The following TNR variants were observed in gnomAD, a reference collection of about 807,000 sequenced individuals.
TNR encodes the protein tenascin-R.
Under a neutral mutation model 150.4 loss-of-function variants are expected in TNR, and 45 were observed. The observed-to-expected ratio is 0.30, with a 90% CI of 0.24 to 0.38. The LOEUF is 0.38. TNR is among the 10% of genes least tolerant of loss of function. TNR has a pLI of 1.00. For synonymous variants in TNR, 687 were observed against 678.4 expected, an observed-to-expected ratio of 1.01 and a Z score of -0.20; for missense variants, 1,544 against 1,759.1, an observed-to-expected ratio of 0.88 and a Z score of 2.19.
intron 20 of TNR, among the ~76,000 whole-genome samples, chr1:175,331,049 C>CTT (rs373781031): frequency 9.4e-4 from 97 of 103,232 alleles, no homozygotes; most frequent in Non-Finnish European, 1.7e-3. Flanking sequence ...TTCTTTCTTT[C>CTT]TTTCTTTCTT....
intron 1 of TNR, among the ~76,000 whole-genome samples, chr1:175,626,903 G>A (rs1381271728): frequency 3.3e-5 from 5 of 152,146 alleles, no homozygotes; most frequent in African/African-American, 7.2e-5. Flanking sequence ...AAAACACAGA[G>A]GTGAAGGCCA....
chr1:175,422,987 C>A (rs761041560), intron 2 of TNR, among the ~76,000 whole-genome samples: 1 of 152,184 alleles, frequency 6.6e-6, no homozygotes, highest in African/African-American at 2.4e-5. Flanking sequence ...AACAGGTCAC[C>A]TGCTTTGGAG....
chr1:175,722,809 C>T (rs558679199), intron 1 of TNR, among the ~76,000 whole-genome samples: 5 of 145,440 alleles, frequency 3.4e-5, no homozygotes, highest in Admixed American at 2.1e-4. Flanking sequence ...CCCCTGCCCC[C>T]GAGACAGAGT....
intron 1 of TNR, among the ~76,000 whole-genome samples, chr1:175,631,905 TA>T (rs1240779397): frequency 1.3e-5 from 2 of 152,242 alleles, no homozygotes; most frequent in African/African-American, 4.8e-5. Flanking sequence ...GCTTTTTGAC[TA>T]AAAATGGAAT....
At chr1:175,484,532 C>T (rs1281023821) in intron 2 of TNR, among the ~76,000 whole-genome samples, 2 of 149,790 alleles carry the variant, frequency 1.3e-5, no homozygotes, top group African/African-American at 2.4e-5. Flanking sequence ...CCTAGTCTTT[C>T]TCTCTCTCTC....
rs1299434044 is a variant in TNR, at chr1:175,743,512, C to T, written c.-451G>A. ...AATTCCTTGGGTCAGAGAGGACCCC[C>T]TTCTCTCACTCTCCCTGGGTCTGCC... On this transcript the variant is annotated 5_prime_UTR_variant, in exon 1 of 23. Transcript: ENST00000367674. 6.6e-6 allele frequency: 1 copy of T among 152,262 alleles called. No homozygotes were observed. The highest frequency in any genetic ancestry group is 2.4e-5 in the African/African-American group (1 of 41,422). The allele number at this position is 152,262 out of a possible 1,614,324, so 9.4% of individuals were successfully genotyped here. A position where few individuals can be genotyped will look rare whatever the true frequency, so the allele number is the denominator to read the frequency against.
At chr1:175,378,788 G>C (rs915133888) in intron 9 of TNR, among the ~76,000 whole-genome samples, 4 of 152,216 alleles carry the variant, frequency 2.6e-5, no homozygotes, top group Non-Finnish European at 5.9e-5. Flanking sequence ...GGCAGGGCCT[G>C]GTGTCCACAC....
At chr1:175,660,910 G>A (rs544348046) in intron 1 of TNR, among the ~76,000 whole-genome samples, 1 of 152,308 alleles carries the variant, frequency 6.6e-6, no homozygotes, top group African/African-American at 2.4e-5. Context: ...GGCTCCAGCT[G>A]TACAGGGCCC....
intron 2 of TNR, among the ~76,000 whole-genome samples, chr1:175,433,203 A>G (rs1655350743): frequency 6.6e-6 from 1 of 152,336 alleles, no homozygotes; most frequent in East Asian, 1.9e-4. Context: ...TGGACTTCCT[A>G]TACATGACAG....
intron 2 of TNR, among the ~76,000 whole-genome samples, chr1:175,482,965 A>AGTGTGTC (rs1434444526): frequency 1.3e-5 from 2 of 152,184 alleles, no homozygotes; most frequent in Admixed American, 6.5e-5. Context: ...TGCAGATCAA[A>AGTGTGTC]GTGTGTCTTG....
rs867156560 is a variant in TNR, at chr1:175,427,292, A to G, written c.-63-20515T>C. 5.0e-4 allele frequency among the ~76,000 whole-genome samples: 76 copies of G among 152,178 alleles called. 1 individual carries two copies. The highest frequency in any genetic ancestry group is 3.4e-3 in the Middle Eastern group (1 of 294). ...CCATGTATGTAATTTTAAATTCTCT[A>G]GTAGCCACACTAAAGAGGTAAAAAT... is the stretch of plus-strand genomic sequence containing the variant. On this transcript the variant is annotated intron_variant, in intron 2 of 22. Coordinates refer to ENST00000367674, the MANE Select transcript of TNR (RefSeq NM_003285.3).
chr1:175,406,198 C>T lies in TNR; in HGVS notation c.499+18G>A, dbSNP rs859400. On this transcript the variant is annotated intron_variant, in intron 3 of 22. Coordinates refer to ENST00000367674, the MANE Select transcript of TNR (RefSeq NM_003285.3). ...TCCTTCCCCTCCTGAGACCACGCTG[C>T]GAGCTCCCGGACTCTACCTGTGGCA... 0.38 allele frequency: 609,314 copies of T among 1,606,050 alleles called. 118,574 individuals carry two copies. Among genetic ancestry groups the T allele is most frequent in the East Asian group, 0.53 (23,643 of 44,780 alleles).
chr1:175,578,227 G>T (rs1006073612), intron 1 of TNR, among the ~76,000 whole-genome samples: 9 of 152,024 alleles, frequency 5.9e-5, no homozygotes, highest in African/African-American at 2.2e-4. Context: ...CAGGCCTGCC[G>T]GGGGAAACTG....
chr1:175,682,329 G>A (rs541832204), intron 1 of TNR, among the ~76,000 whole-genome samples: 9 of 152,300 alleles, frequency 5.9e-5, no homozygotes, highest in African/African-American at 2.2e-4. Flanking sequence ...TCCTCACAAT[G>A]ACTCTATGGA....
intron 2 of TNR, among the ~76,000 whole-genome samples, chr1:175,408,644 G>C (rs1337590521): frequency 6.6e-6 from 1 of 152,148 alleles, no homozygotes; most frequent in Non-Finnish European, 1.5e-5. Context: ...GATCACTTAA[G>C]CTCTCTGTGC....
At chr1:175,485,235 TCACTGAGTCCAC>T (rs1417193700) in intron 2 of TNR, among the ~76,000 whole-genome samples, 16 of 152,202 alleles carry the variant, frequency 1.1e-4, no homozygotes, top group African/African-American at 3.6e-4. Context: ...GATGGTGGAT[TCACTGAGTCCAC>T]CATTAGGCAT....
intron 2 of TNR, among the ~76,000 whole-genome samples, chr1:175,455,332 A>G (rs1397093667): frequency 6.6e-6 from 1 of 152,224 alleles, no homozygotes; most frequent in Non-Finnish European, 1.5e-5. Flanking sequence ...TGTTACACTG[A>G]TAATCAGAAC....
At position 175,603,980 on chromosome 1, in the gene TNR, A is replaced by AG. The variant is rs148008705; in HGVS notation, c.-164-75612_-164-75611insC. Among the ~76,000 whole-genome samples the AG allele has an allele frequency of 9.7e-3, 1,470 of 152,242 alleles. 12 individuals carry two copies. Among genetic ancestry groups the AG allele is most frequent in the East Asian group, 0.031 (160 of 5,168 alleles). On this transcript the variant is annotated intron_variant, in intron 1 of 22. Transcript: ENST00000367674. ...TTATTTTCAAGTAAATAGATCAAAA[A>AG]TTTTTAACCCTTGCTGTGGGAGCAC... is the stretch of plus-strand genomic sequence containing the variant.
intron 1 of TNR, among the ~76,000 whole-genome samples, chr1:175,692,559 G>A (rs1666401376): frequency 6.6e-6 from 1 of 152,204 alleles, no homozygotes; most frequent in South Asian, 2.1e-4. Context: ...AAACAAGTAA[G>A]CTCATTTTCC....
Sources: gnomAD v4.1 joint callset for allele counts (sites outside exome capture counted in the v4.1 genomes callset) on GRCh38, gnomAD v4.1.1 for gene constraint, MANE v1.5 for transcripts, NCBI Gene and HGNC (gene_info 2026-07-23, HGNC 2026-07-21) for gene names.